DGKB: variants seen among roughly 807,000 people sequenced by gnomAD.
DGKB encodes the protein 90 kDa diacylglycerol kinase.
A neutral mutation model predicts 114.3 loss-of-function variants in DGKB; 67 were observed. That is an observed-to-expected ratio of 0.59 (90% confidence interval 0.48 to 0.72). DGKB has a LOEUF of 0.72. DGKB is among the 30% of genes least tolerant of loss of function. The pLI is 0.00. For missense variants in DGKB, 907 were observed against 975.2 expected (o/e 0.93, Z 0.93); for synonymous variants, 398 against 323.1 (o/e 1.23, Z -2.49).
chr7:14,283,550 C>T (rs1396001753), intron 23 of DGKB, among the ~76,000 whole-genome samples: 5 of 148,558 alleles, frequency 3.4e-5, no homozygotes, highest in Admixed American at 6.7e-5. Flanking sequence ...GAGCCCGCAT[C>T]GCCAAGTCAA....
intron 1 of DGKB, among the ~76,000 whole-genome samples, chr7:14,911,191 ATATTT>A (rs1783984184): frequency 6.6e-6 from 1 of 152,074 alleles, no homozygotes; most frequent in African/African-American, 2.4e-5. Context: ...CAGAAGGGCC[ATATTT>A]TATTTGCTTA....
chr7:14,150,107 CATT>C (rs1781968666), intron 25 of DGKB, among the ~76,000 whole-genome samples: 1 of 152,086 alleles, frequency 6.6e-6, no homozygotes, highest in Admixed American at 6.6e-5. Flanking sequence ...AAATGATTCT[CATT>C]ATGTAATAAA....
intron 1 of DGKB, among the ~76,000 whole-genome samples, chr7:14,909,353 T>C (rs1012012961): frequency 1.3e-5 from 2 of 152,176 alleles, no homozygotes; most frequent in Admixed American, 6.6e-5. Context: ...TTTTGTGCAA[T>C]GTTGCCTTGT....
At chr7:14,551,240 T>G (rs1795058001) in intron 20 of DGKB, among the ~76,000 whole-genome samples, 1 of 152,206 alleles carries the variant, frequency 6.6e-6, no homozygotes, top group African/African-American at 2.4e-5. Flanking sequence ...GTAGTAAAAG[T>G]CCACTTGTCT....
At chr7:14,824,012 T>G (rs1368656150) in intron 2 of DGKB, among the ~76,000 whole-genome samples, 1 of 152,122 alleles carries the variant, frequency 6.6e-6, no homozygotes, top group Non-Finnish European at 1.5e-5. Flanking sequence ...AGAAGGTGAA[T>G]GAGGGTCAAA....
chr7:14,304,079 ACACACACACT>A (rs1335724345), intron 23 of DGKB, among the ~76,000 whole-genome samples: 16 of 94,342 alleles, frequency 1.7e-4, no homozygotes, highest in African/African-American at 7.2e-4. Flanking sequence ...ACACACACAC[ACACACACACT>A]CTCTCTCTCT....
chr7:14,415,044 G>A (rs183520792), intron 21 of DGKB, among the ~76,000 whole-genome samples: 1,529 of 151,658 alleles, frequency 0.01, 11 homozygotes, highest in South Asian at 0.029. Flanking sequence ...CAGAGTACAG[G>A]TTTAAAAGTT....
chr7:14,925,773 A>G (rs1784712854), intron 1 of DGKB, among the ~76,000 whole-genome samples: 1 of 152,040 alleles, frequency 6.6e-6, no homozygotes, highest in South Asian at 2.1e-4. Context: ...AAATTCACTT[A>G]TTGTTCCAAG....
At chr7:14,218,305 G>A (rs776121245) in intron 23 of DGKB, among the ~76,000 whole-genome samples, 3 of 152,056 alleles carry the variant, frequency 2.0e-5, no homozygotes, top group Admixed American at 6.6e-5. Context: ...TATGATACTT[G>A]AAGTCATATT....
chr7:14,512,156 G>C (rs995978417), intron 20 of DGKB, among the ~76,000 whole-genome samples: 7 of 152,278 alleles, frequency 4.6e-5, no homozygotes, highest in African/African-American at 1.7e-4. Context: ...TTTATAAAAA[G>C]CACAGTGTCT....
At chr7:14,690,747 G>A (rs1407643356) in intron 9 of DGKB, among the ~76,000 whole-genome samples, 1 of 152,148 alleles carries the variant, frequency 6.6e-6, no homozygotes, top group Non-Finnish European at 1.5e-5. Flanking sequence ...CCAATCACTG[G>A]AACAGAGTTT....
intron 1 of DGKB, among the ~76,000 whole-genome samples, chr7:14,894,549 G>T (rs1356743463): frequency 6.6e-6 from 1 of 151,354 alleles, no homozygotes; most frequent in Non-Finnish European, 1.5e-5. Context: ...ACTAATTCAG[G>T]ACATTGCCTA....
At chr7:14,557,138 T>G (rs1563502115) in intron 20 of DGKB, among the ~76,000 whole-genome samples, 1 of 152,188 alleles carries the variant, frequency 6.6e-6, no homozygotes, top group Non-Finnish European at 1.5e-5. Context: ...GTAATCTGCA[T>G]TTTAACAAGC....
intron 25 of DGKB, among the ~76,000 whole-genome samples, chr7:14,166,617 T>C (rs1784642992): frequency 1.3e-5 from 2 of 151,932 alleles, no homozygotes; most frequent in South Asian, 4.1e-4. Flanking sequence ...TCCCACTGAA[T>C]GCACTATAAA....
intron 2 of DGKB, among the ~76,000 whole-genome samples, chr7:14,782,797 G>A (rs915914089): frequency 4.6e-5 from 7 of 152,060 alleles, no homozygotes; most frequent in Admixed American, 6.5e-5. Flanking sequence ...AAGGAGGCTA[G>A]TGTGATTGTA....
intron 4 of DGKB, among the ~76,000 whole-genome samples, chr7:14,741,529 G>T (rs911770519): frequency 5.9e-5 from 9 of 152,092 alleles, no homozygotes; most frequent in African/African-American, 1.9e-4. Flanking sequence ...GCTATTTTAC[G>T]GTGGCAGCCT....
chr7:14,506,549 A>G (rs1787099371), intron 20 of DGKB, among the ~76,000 whole-genome samples: 1 of 152,166 alleles, frequency 6.6e-6, no homozygotes, highest in Admixed American at 6.6e-5. Context: ...TTGATTTGAT[A>G]AGCAAAATAA....
At chr7:14,606,085 T>C (rs1433200251) in intron 17 of DGKB, among the ~76,000 whole-genome samples, 1 of 152,146 alleles carries the variant, frequency 6.6e-6, no homozygotes, top group Non-Finnish European at 1.5e-5. Context: ...CAGTTTTGAA[T>C]GCACAATATC....
chr7:14,551,733 T>C (rs1433572756), intron 20 of DGKB, among the ~76,000 whole-genome samples: 2 of 152,148 alleles, frequency 1.3e-5, no homozygotes, highest in Admixed American at 6.6e-5. Context: ...TTCATAGGTC[T>C]TAATTGTGCA....
Sources: allele counts gnomAD v4.1 joint callset (sites outside exome capture counted in the v4.1 genomes callset), GRCh38; gene constraint gnomAD v4.1.1; transcripts MANE v1.5; gene names NCBI Gene and HGNC (gene_info 2026-07-23, HGNC 2026-07-21).